RANBP2: variants seen among roughly 807,000 people sequenced by gnomAD.
RANBP2 encodes E3 SUMO-protein ligase RanBP2.
In RANBP2, 57 loss-of-function variants were observed where a neutral mutation model predicts 303.6. The ratio of observed to expected loss-of-function variants is 0.19; its 90% CI spans 0.15 to 0.23. RANBP2 has a LOEUF of 0.23. Ranked by LOEUF, RANBP2 falls within the 10% of genes least tolerant of loss-of-function variation. The pLI is 1.00. For synonymous variants in RANBP2, 1,167 were observed against 1,301.5 expected (o/e 0.90, Z 2.23); for missense variants, 3,138 against 3,780.8 (o/e 0.83, Z 4.46).
the RANBP2 span, among the ~76,000 whole-genome samples, chr2:109,083,862 C>G: frequency 6.6e-6 from 1 of 152,108 alleles, no homozygotes; most frequent in Non-Finnish European, 1.5e-5. Context: ...TTCAATTTCC[C>G]TCGGCTTCTC....
chr2:108,865,285 C>T, the RANBP2 span, among the ~76,000 whole-genome samples: 24 of 152,252 alleles, frequency 1.6e-4, 1 homozygote, highest in Middle Eastern at 3.4e-3. Flanking sequence ...CTAATATAAA[C>T]AGTGCTTCTG....
chr2:109,408,929 G>A, the RANBP2 span, among the ~76,000 whole-genome samples: 2 of 152,222 alleles, frequency 1.3e-5, no homozygotes, highest in Admixed American at 6.5e-5. Context: ...GGCCATGAGC[G>A]GAGGCCATCC....
the RANBP2 span, among the ~76,000 whole-genome samples, chr2:109,527,836 C>T: frequency 3.9e-5 from 6 of 152,166 alleles, no homozygotes; most frequent in Non-Finnish European, 8.8e-5. Context: ...CTCAAGTTGT[C>T]GTCAGAGTCA....
At chr2:109,467,969 G>A in the RANBP2 span, among the ~76,000 whole-genome samples, 4 of 152,362 alleles carry the variant, frequency 2.6e-5, no homozygotes, top group East Asian at 5.8e-4. Flanking sequence ...TGGGTCAGAG[G>A]CAGAGAGACC....
chr2:109,126,228 C>T, the RANBP2 span, among the ~76,000 whole-genome samples: 1 of 152,060 alleles, frequency 6.6e-6, no homozygotes, highest in Admixed American at 6.5e-5. Flanking sequence ...TCTGTGTGTC[C>T]TGTGGGTGCT....
chr2:108,860,860 A>G, the RANBP2 span, among the ~76,000 whole-genome samples: 1 of 143,786 alleles, frequency 7.0e-6, no homozygotes, highest in African/African-American at 2.6e-5. Context: ...ATTTTGGAAT[A>G]GTTTCAATAG....
chr2:109,662,169 C>T, the RANBP2 span, among the ~76,000 whole-genome samples: 4 of 152,174 alleles, frequency 2.6e-5, no homozygotes, highest in African/African-American at 9.7e-5. Context: ...TTTCTTAGGT[C>T]TGTATTGAGT....
At chr2:109,281,857 C>T in the RANBP2 span, among the ~76,000 whole-genome samples, 1 of 152,266 alleles carries the variant, frequency 6.6e-6, no homozygotes, top group African/African-American at 2.4e-5. Flanking sequence ...AGACCCCCAG[C>T]GGGCTAGAGC....
intron 14 of RANBP2, 83 bp from the exon 15 acceptor site, chr2:108,753,742 A>C (rs1289965916): frequency 6.2e-7 from 1 of 1,608,382 alleles, no homozygotes; most frequent in South Asian, 1.1e-5. Flanking sequence ...CTGGGATTAC[A>C]GGCATGAGCC....
At chr2:109,038,526 A>G in the RANBP2 span, among the ~76,000 whole-genome samples, 1 of 152,086 alleles carries the variant, frequency 6.6e-6, no homozygotes, top group Non-Finnish European at 1.5e-5. Flanking sequence ...AAATATATTA[A>G]AATTAAAAAT....
At chr2:109,078,102 A>AGCGTG in the RANBP2 span, among the ~76,000 whole-genome samples, 79 of 90,124 alleles carry the variant, frequency 8.8e-4, no homozygotes, top group Non-Finnish European at 9.4e-4. Context: ...ATATATATAT[A>AGCGTG]TATATATATA....
the RANBP2 span, among the ~76,000 whole-genome samples, chr2:109,241,684 C>G: frequency 6.6e-6 from 1 of 152,130 alleles, no homozygotes; most frequent in Non-Finnish European, 1.5e-5. Context: ...TTCTCTCCCC[C>G]AGTCCCTGCA....
the RANBP2 span, chr2:109,585,779 A>G: frequency 1.5e-5 from 25 of 1,613,948 alleles, no homozygotes; most frequent in Non-Finnish European, 2.0e-5. Context: ...CCAGCTGATC[A>G]GGCAAACTCT....
At chr2:109,601,575 C>G in the RANBP2 span, among the ~76,000 whole-genome samples, 2 of 152,272 alleles carry the variant, frequency 1.3e-5, no homozygotes, top group East Asian at 3.9e-4. Flanking sequence ...TATCAGGGTA[C>G]TCCTTCTTTG....
At chr2:108,928,459 C>T in the RANBP2 span, among the ~76,000 whole-genome samples, 1 of 152,280 alleles carries the variant, frequency 6.6e-6, no homozygotes, top group Non-Finnish European at 1.5e-5. Context: ...CATCACCTCC[C>T]TTGTCCCCAC....
the RANBP2 span, among the ~76,000 whole-genome samples, chr2:109,329,088 A>G: frequency 6.6e-6 from 1 of 152,100 alleles, no homozygotes; most frequent in Non-Finnish European, 1.5e-5. Flanking sequence ...GGGAATATTT[A>G]TCTCTTCCTT....
At chr2:109,514,011 A>T in the RANBP2 span, among the ~76,000 whole-genome samples, 3 of 152,212 alleles carry the variant, frequency 2.0e-5, no homozygotes, top group South Asian at 6.2e-4. Context: ...CTGCGGCTCC[A>T]TGTCAGAGTT....
the RANBP2 span, among the ~76,000 whole-genome samples, chr2:108,998,280 C>T: frequency 6.6e-6 from 1 of 152,186 alleles, no homozygotes; most frequent in Non-Finnish European, 1.5e-5. Flanking sequence ...TCGACCTGCC[C>T]CTCGGATAAT....
chr2:109,629,349 ATATATATTTTTTTT>A, the RANBP2 span, among the ~76,000 whole-genome samples: 10 of 6,564 alleles, frequency 1.5e-3, no homozygotes, highest in African/African-American at 5.1e-3. Flanking sequence ...ATATATATAT[ATATATATTTTTTTT>A]TTTTTTTTCA....
Sources: gnomAD v4.1 joint callset for allele counts (sites outside exome capture counted in the v4.1 genomes callset) on GRCh38, gnomAD v4.1.1 for gene constraint, MANE v1.5 for transcripts, NCBI Gene and HGNC (gene_info 2026-07-23, HGNC 2026-07-21) for gene names.